The following RPS6KC1 variants were observed in gnomAD, a reference collection of about 807,000 sequenced individuals.
RPS6KC1 encodes ribosomal protein S6 kinase C1.
In RPS6KC1, 54 loss-of-function variants were observed where a neutral mutation model predicts 103.8. That is an observed-to-expected ratio of 0.52 (90% CI 0.42 to 0.65). The LOEUF (loss-of-function observed/expected upper bound fraction) is 0.65. RPS6KC1 is among the 30% of genes least tolerant of loss of function. The pLI is 0.00. For missense variants in RPS6KC1, 1,151 were observed against 1,253.8 expected (o/e 0.92, Z 1.24); for synonymous variants, 439 against 438.7 (o/e 1.00, Z -0.01).
chr1:213,292,055 A>C, the RPS6KC1 span, among the ~76,000 whole-genome samples: 1 of 151,874 alleles, frequency 6.6e-6, no homozygotes, highest in Non-Finnish European at 1.5e-5. Flanking sequence ...AACAATGAGA[A>C]CACATAGACA....
chr1:213,368,802 TAGG>T, the RPS6KC1 span, among the ~76,000 whole-genome samples: 2 of 152,176 alleles, frequency 1.3e-5, no homozygotes, highest in Admixed American at 1.3e-4. Flanking sequence ...CTGCTTTGCT[TAGG>T]AGGTGTTCTC....
chr1:213,802,561 A>G, the RPS6KC1 span, among the ~76,000 whole-genome samples: 1 of 152,212 alleles, frequency 6.6e-6, no homozygotes. Context: ...TCTCATTTTT[A>G]GGGTATAGAC....
chr1:213,241,045 GA>G lies in RPS6KC1; in HGVS notation c.1570del (p.Ile524LeufsTer6). The G allele has an allele frequency of 6.2e-7, 1 of 1,613,392 alleles. No homozygotes were observed. Among genetic ancestry groups the G allele is most frequent in the Non-Finnish European group, 8.5e-7 (1 of 1,179,914 alleles). ...TLCNEYGQEK[I>X]EPGSLNEEPF... ...TATGCAATGAATATGGGCAAGAAAA[GA>G]TTGAACCAGGGTCTTTGAATGAGGA... On this transcript the variant is annotated frameshift_variant, in exon 11 of 15. Transcript: ENST00000366960. LOFTEE classifies it high-confidence loss of function.
the RPS6KC1 span, among the ~76,000 whole-genome samples, chr1:213,451,552 G>C: frequency 5.3e-5 from 8 of 152,198 alleles, no homozygotes. Flanking sequence ...CCACACAGTG[G>C]GTGTGGGGGA....
the RPS6KC1 span, among the ~76,000 whole-genome samples, chr1:213,413,013 A>T: frequency 1.3e-5 from 2 of 152,342 alleles, no homozygotes; most frequent in South Asian, 4.1e-4. Flanking sequence ...GAGGATCTTA[A>T]ACATGTTAAA....
the RPS6KC1 span, among the ~76,000 whole-genome samples, chr1:213,586,061 TTTCTTTGCGA>T: frequency 5.3e-5 from 8 of 152,208 alleles, no homozygotes; most frequent in African/African-American, 1.9e-4. Flanking sequence ...GAGACCAATC[TTTCTTTGCGA>T]TTCTTTGCTC....
intron 8 of RPS6KC1, among the ~76,000 whole-genome samples, chr1:213,204,546 C>T (rs977295814): frequency 6.6e-6 from 1 of 151,796 alleles, no homozygotes; most frequent in Admixed American, 6.6e-5. Flanking sequence ...CTTATAGCAG[C>T]CTAAATCTGC....
chr1:213,861,810 T>C, the RPS6KC1 span, among the ~76,000 whole-genome samples: 2 of 152,242 alleles, frequency 1.3e-5, no homozygotes, highest in Non-Finnish European at 2.9e-5. Flanking sequence ...TCTTAATAAA[T>C]GCTTTTGCTT....
At position 213,232,170 on chromosome 1, in the gene RPS6KC1, C is replaced by G; in HGVS notation, c.1140C>G (p.Ile380Met). The change falls in exon 10 of 15, where the codon ATC becomes ATG. Residue 380 changes from isoleucine to methionine, a missense_variant. This residue lies in a region of RPS6KC1 where 959 missense variants were observed against 1,006.3 expected (regional missense o/e 0.95). Coordinates refer to ENST00000366960, the MANE Select transcript of RPS6KC1 (RefSeq NM_012424.6). ...SEYSRNRKTI[I>M]PRCVPNMVCL... is the part of the protein sequence containing the mutation. ...ACAGCAGGAACAGAAAGACCATCAT[C>G]CCCCGCTGTGTGCCCAACATGGTGT... 1.2e-6 allele frequency: 2 copies of G among 1,613,970 alleles called. No individual in the cohort carries two copies. The highest frequency in any genetic ancestry group is 2.2e-5 in the South Asian group (2 of 91,074).
the RPS6KC1 span, among the ~76,000 whole-genome samples, chr1:213,647,957 C>G: frequency 6.6e-6 from 1 of 152,124 alleles, no homozygotes; most frequent in Non-Finnish European, 1.5e-5. Context: ...TGGAGTCAAC[C>G]TGGACCCCAC....
At chr1:213,527,381 A>C in the RPS6KC1 span, among the ~76,000 whole-genome samples, 2 of 152,194 alleles carry the variant, frequency 1.3e-5, no homozygotes, top group African/African-American at 2.4e-5. Flanking sequence ...TTTATAGAAC[A>C]AGAAAACTGA....
chr1:213,672,192 G>A, the RPS6KC1 span, among the ~76,000 whole-genome samples: 2 of 152,090 alleles, frequency 1.3e-5, no homozygotes, highest in Admixed American at 1.3e-4. Flanking sequence ...CCTTCCTTTC[G>A]GCCTGGGAAC....
At chr1:213,574,882 G>T in the RPS6KC1 span, among the ~76,000 whole-genome samples, 1 of 152,140 alleles carries the variant, frequency 6.6e-6, no homozygotes, top group Non-Finnish European at 1.5e-5. Context: ...AGTCACTGTG[G>T]GCTCCTGCCT....
chr1:213,319,528 C>A, the RPS6KC1 span, among the ~76,000 whole-genome samples: 1 of 152,192 alleles, frequency 6.6e-6, no homozygotes, highest in Non-Finnish European at 1.5e-5. Flanking sequence ...TTGCTGTTGT[C>A]ACCTTTCCCT....
intron 8 of RPS6KC1, chr1:213,205,244 A>T: frequency 1.0e-6 from 1 of 985,044 alleles, no homozygotes; most frequent in Non-Finnish European, 1.2e-6. Context: ...ATTAGTACAC[A>T]GCCATGGTGA....
the RPS6KC1 span, among the ~76,000 whole-genome samples, chr1:213,370,248 A>AT: frequency 9.9e-5 from 14 of 142,084 alleles, no homozygotes; most frequent in East Asian, 2.0e-4. Context: ...ATTTTATTTT[A>AT]TTTATTTTAT....
intron 8 of RPS6KC1, among the ~76,000 whole-genome samples, chr1:213,209,468 G>A (rs1351175610): frequency 6.6e-6 from 1 of 152,008 alleles, no homozygotes; most frequent in Non-Finnish European, 1.5e-5. Context: ...TTCTGAGGTG[G>A]GTGGATCACC....
chr1:213,172,987 CT>C (rs2091593635), intron 7 of RPS6KC1, among the ~76,000 whole-genome samples: 1 of 152,214 alleles, frequency 6.6e-6, no homozygotes, highest in African/African-American at 2.4e-5. Flanking sequence ...CAAGTTTCCC[CT>C]AACAACATTC....
the RPS6KC1 span, among the ~76,000 whole-genome samples, chr1:213,495,204 T>C: frequency 6.6e-6 from 1 of 152,218 alleles, no homozygotes; most frequent in Non-Finnish European, 1.5e-5. Flanking sequence ...TCAATAATAG[T>C]AAAAGGGAAC....
Sources: gnomAD v4.1 joint callset for allele counts (sites outside exome capture counted in the v4.1 genomes callset) on GRCh38, gnomAD v4.1.1 for gene constraint, gnomAD v4.1.1 regional missense constraint, MANE v1.5 for transcripts, NCBI Gene and HGNC (gene_info 2026-07-23, HGNC 2026-07-21) for gene names.